Variants in DNAH14 observed in about 807,000 individuals in gnomAD.
The protein encoded by DNAH14 is dynein axonemal heavy chain 14, also known as axonemal beta dynein heavy chain 14.
DNAH14 carries 478 observed loss-of-function variants against 520.9 expected under a neutral mutation model. The ratio of observed to expected loss-of-function variants is 0.92; its 90% CI spans 0.85 to 0.99. The LOEUF (loss-of-function observed/expected upper bound fraction) is 0.99. Ranked by LOEUF, DNAH14 falls within the 50% of genes least tolerant of loss-of-function variation. DNAH14 has a pLI of 0.00. For missense variants in DNAH14, 4,831 were observed against 5,234.5 expected (o/e 0.92, Z 2.38); for synonymous variants, 1,581 against 1,757.2 (o/e 0.90, Z 2.51).
intron 21 of DNAH14, among the ~76,000 whole-genome samples, chr1:225,090,935 T>C (rs566907537): frequency 1.5e-4 from 23 of 152,184 alleles, no homozygotes; most frequent in Non-Finnish European, 3.1e-4. Context: ...AATACAAATA[T>C]AAACCAGAGA....
intron 7 of DNAH14, among the ~76,000 whole-genome samples, chr1:224,970,281 A>C (rs1025307782): frequency 6.6e-6 from 1 of 152,130 alleles, no homozygotes; most frequent in Non-Finnish European, 1.5e-5. Flanking sequence ...CCCGCCTAAT[A>C]AATTTTGGTG....
At chr1:225,173,719 T>C (rs187959906) in intron 36 of DNAH14, among the ~76,000 whole-genome samples, 5 of 152,264 alleles carry the variant, frequency 3.3e-5, no homozygotes, top group Admixed American at 3.3e-4. Flanking sequence ...TCAGGGATCT[T>C]GAACTAGAAA....
intron 71 of DNAH14, among the ~76,000 whole-genome samples, chr1:225,351,227 C>CA (rs2095362020): frequency 1.3e-5 from 2 of 151,908 alleles, no homozygotes; most frequent in African/African-American, 4.8e-5. Flanking sequence ...GCCAACATGG[C>CA]AAAAAACACA....
In DNAH14 at chr1:224,929,843, CGTCAGCGTCTTCCT is replaced by C; in HGVS notation, c.-34+16_-34+29del. On this transcript the variant is annotated intron_variant, in intron 1 of 85. Coordinates refer to ENST00000682510, the MANE Select transcript of DNAH14 (RefSeq NM_001367479.1). ...CGGACCACGGCGCGGCGGGTAAGGTCGTCAGCGTCTTCCTGTCAGCGGTCGGCAGAGCCTCGGCG... is the reference window on the plus strand; with the variant it reads ...CGGACCACGGCGCGGCGGGTAAGGTCGTCAGCGGTCGGCAGAGCCTCGGCG... 1.5e-6 allele frequency: 1 copy of C among 683,380 alleles called. No homozygotes were observed. The highest frequency in any genetic ancestry group is 1.5e-5 in the South Asian group (1 of 66,168). The allele number at this position is 683,380 out of a possible 1,614,324, so 42.3% of individuals were successfully genotyped here.
At chr1:225,206,234 A>G (rs2087533564) in intron 40 of DNAH14, 55 bp downstream of exon 40, 31 of 1,400,702 alleles carry the variant, frequency 2.2e-5, no homozygotes, top group Non-Finnish European at 2.9e-5. Context: ...TTATGATAGT[A>G]ACTATTTATT....
intron 23 of DNAH14, 26 bp downstream of exon 23, chr1:225,100,910 G>A: frequency 6.9e-7 from 1 of 1,440,110 alleles, no homozygotes; most frequent in Non-Finnish European, 9.2e-7. Flanking sequence ...TTCTAAAGCA[G>A]TGAATCATTT....
intron 36 of DNAH14, among the ~76,000 whole-genome samples, chr1:225,169,289 G>T (rs1340458731): frequency 1.3e-5 from 2 of 152,172 alleles, no homozygotes; most frequent in South Asian, 4.1e-4. Context: ...GAACAAAGCT[G>T]GACAGAGAAT....
At position 225,123,608 on chromosome 1, in the gene DNAH14, T is replaced by A. The variant is rs1358517925; in HGVS notation, c.4248T>A (p.Leu1416=). 1 of 419,000 alleles carries A rather than the reference T, an allele frequency of 2.4e-6. No homozygotes were observed. Among genetic ancestry groups the A allele is most frequent in the Admixed American group, 2.6e-5 (1 of 38,990 alleles). 26.0% of individuals were successfully genotyped at this position (419,000 alleles called of 1,614,324 possible). ...WVLSHPGQVV[L]TVSQIMFYND... Reference sequence around the variant, plus strand: ...TATCTCATCCAGGACAAGTGGTACTTACTGTGGTAAGTTAATGCTGCTTTG... The same window carrying A: ...TATCTCATCCAGGACAAGTGGTACTAACTGTGGTAAGTTAATGCTGCTTTG... The change falls in exon 27 of 86, where the codon CTT becomes CTA. Residue 1416 remains leucine, a synonymous_variant. Coordinates refer to ENST00000682510, the MANE Select transcript of DNAH14 (RefSeq NM_001367479.1).
chr1:225,259,881 A>G (rs1270283781), intron 46 of DNAH14, among the ~76,000 whole-genome samples: 5 of 152,216 alleles, frequency 3.3e-5, no homozygotes, highest in African/African-American at 1.2e-4. Context: ...GTTGTTACAA[A>G]TGACAGAATT....
At position 225,346,650 on chromosome 1, in the gene DNAH14, T is replaced by TACTAGTAAGTA; in HGVS notation, c.11294_11296+8dup. The TACTAGTAAGTA allele has an allele frequency of 6.5e-7, 1 of 1,534,968 alleles. No individual in the cohort carries two copies. Among genetic ancestry groups the TACTAGTAAGTA allele is most frequent in the Non-Finnish European group, 8.8e-7 (1 of 1,138,620 alleles). On this transcript the variant is annotated frameshift_variant, in exon 71 of 86. Coordinates refer to ENST00000682510, the MANE Select transcript of DNAH14 (RefSeq NM_001367479.1). LOFTEE classifies it high-confidence loss of function. The stretch of plus-strand genomic sequence containing the variant: ...AAAGTGCATTATCCCAGTCTAGACT[T>TACTAGTAAGTA]ACTAGTAAGTAAAAGTTACTATTCC...
At chr1:225,352,993 G>C (rs2095388029) in intron 72 of DNAH14, among the ~76,000 whole-genome samples, 1 of 151,840 alleles carries the variant, frequency 6.6e-6, no homozygotes, top group South Asian at 2.1e-4. Context: ...ATTCTTTATT[G>C]ACCCTTTTTG....
At position 225,335,865 on chromosome 1, in the gene DNAH14, A is replaced by G. The variant is rs973361001; in HGVS notation, c.10081-1401A>G. 3.4e-4 allele frequency among the ~76,000 whole-genome samples: 22 copies of G among 65,160 alleles called. 2 individuals are homozygous for G. Among genetic ancestry groups the G allele is most frequent in the Non-Finnish European group, 1.5e-4 (5 of 33,776 alleles). 42.7% of individuals were successfully genotyped at this position (65,160 alleles called of 152,430 possible). A position where few individuals can be genotyped will look rare whatever the true frequency, so the allele number is the denominator to read the frequency against. On this transcript the variant is annotated intron_variant, in intron 66 of 85. Coordinates refer to ENST00000682510, the MANE Select transcript of DNAH14 (RefSeq NM_001367479.1). ...TACATACACATATGTACATATATGT[A>G]CATACACATATACATATATGTACAT...
intron 83 of DNAH14, 103 bp downstream of exon 83, chr1:225,389,976 C>A: frequency 9.6e-7 from 1 of 1,040,756 alleles, no homozygotes; most frequent in Non-Finnish European, 1.4e-6. Flanking sequence ...GATGACAACA[C>A]CTGCGCCTCC....
intron 8 of DNAH14, among the ~76,000 whole-genome samples, chr1:224,996,686 A>G (rs2063412905): frequency 6.6e-6 from 1 of 152,066 alleles, no homozygotes; most frequent in Non-Finnish European, 1.5e-5. Context: ...GGACACTGCA[A>G]TTGTCTTTTA....
intron 2 of DNAH14, 97 bp from the exon 3 acceptor site, chr1:224,954,861 AT>A: frequency 3.4e-6 from 3 of 888,102 alleles, no homozygotes; most frequent in Non-Finnish European, 5.2e-6. Flanking sequence ...AGCTGTTTTA[AT>A]TATAAATGTG....
intron 8 of DNAH14, among the ~76,000 whole-genome samples, chr1:224,996,335 A>T (rs1207256942): frequency 1.3e-5 from 2 of 151,736 alleles, no homozygotes; most frequent in Non-Finnish European, 2.9e-5. Context: ...TATTATTATT[A>T]TTTTTTGTGG....
chr1:225,194,906 G>GA (rs1185528090), intron 38 of DNAH14, among the ~76,000 whole-genome samples: 1 of 152,056 alleles, frequency 6.6e-6, no homozygotes, highest in Non-Finnish European at 1.5e-5. Flanking sequence ...ATAACCATAT[G>GA]AAAAAATACT....
intron 61 of DNAH14, among the ~76,000 whole-genome samples, chr1:225,319,295 A>G (rs1167087171): frequency 6.6e-6 from 1 of 152,210 alleles, no homozygotes; most frequent in Non-Finnish European, 1.5e-5. Context: ...ATTTTAGGCT[A>G]CAAAGATCTG....
intron 41 of DNAH14, among the ~76,000 whole-genome samples, chr1:225,216,590 A>G (rs1324672473): frequency 6.6e-6 from 1 of 151,986 alleles, no homozygotes; most frequent in African/African-American, 2.4e-5. Context: ...GGTTTTGTTC[A>G]TTTCTTTTTA....
Sources: allele counts gnomAD v4.1 joint callset (sites outside exome capture counted in the v4.1 genomes callset), GRCh38; gene constraint gnomAD v4.1.1; transcripts MANE v1.5; gene names NCBI Gene and HGNC (gene_info 2026-07-23, HGNC 2026-07-21).